The following ADCK1 variants were observed in gnomAD, a reference collection of about 807,000 sequenced individuals.
The protein encoded by ADCK1 is aarF domain-containing protein kinase 1.
Under a neutral mutation model 52.3 loss-of-function variants are expected in ADCK1, and 41 were observed. The observed-to-expected ratio is 0.78, with a 90% CI of 0.61 to 1.02. The LOEUF (loss-of-function observed/expected upper bound fraction) is 1.02. Among genes scored for constraint, ADCK1 ranks in the 50% least tolerant of loss-of-function variants. The pLI is 0.00. For missense variants in ADCK1, 658 were observed against 679.5 expected (o/e 0.97, Z 0.35); for synonymous variants, 250 against 274.6 (o/e 0.91, Z 0.89).
chr14:77,863,060 T>C (rs1440836747), intron 4 of ADCK1, among the ~76,000 whole-genome samples: 1 of 152,196 alleles, frequency 6.6e-6, no homozygotes. Context: ...AACAGTGAGG[T>C]CTTGTTGATT....
intron 4 of ADCK1, among the ~76,000 whole-genome samples, chr14:77,874,923 G>C (rs1476258480): frequency 6.6e-6 from 1 of 152,156 alleles, no homozygotes; most frequent in African/African-American, 2.4e-5. Context: ...CAGGTGGATG[G>C]GACAATGAGA....
chr14:77,863,080 C>T (rs895017692), intron 4 of ADCK1, among the ~76,000 whole-genome samples: 3 of 152,282 alleles, frequency 2.0e-5, no homozygotes, highest in South Asian at 4.1e-4. Flanking sequence ...TACAATGTGG[C>T]GTTCAGCCGG....
chr14:77,897,330 C>T (rs2083432516), intron 5 of ADCK1, among the ~76,000 whole-genome samples: 1 of 152,184 alleles, frequency 6.6e-6, no homozygotes, highest in South Asian at 2.1e-4. Context: ...TCTGGAACAC[C>T]TCCTATGTCC....
At position 77,894,612 on chromosome 14, in the gene ADCK1, A is replaced by T. The variant is rs146915156; in HGVS notation, c.583-4488A>T. 2.0e-5 allele frequency among the ~76,000 whole-genome samples: 3 copies of T among 152,160 alleles called. No individual in the cohort carries two copies. The East Asian group carries it at 5.8e-4, about 29-fold the overall frequency. On this transcript the variant is annotated intron_variant, in intron 5 of 10. Transcript: ENST00000238561. ...CAAGAAAAGGATTAAATGAAAGTGT[A>T]TGTGTAAAGTGTTCGTAGCACAGTG...
In ADCK1 at chr14:77,822,416, C is replaced by T. The variant is rs1270802200; in HGVS notation, c.136-19C>T. The T allele has an allele frequency of 3.1e-6, 5 of 1,603,464 alleles. No individual in the cohort carries two copies. The highest frequency in any genetic ancestry group is 4.3e-6 in the Non-Finnish European group (5 of 1,170,346). On this transcript the variant is annotated intron_variant, in intron 2 of 10. Coordinates refer to ENST00000238561, the MANE Select transcript of ADCK1 (RefSeq NM_020421.4). ...TAATGTCCAGGTGCTAAGCTTTTCTCCACTGCCTTGGTTCACAGACGGCTG... is the reference window on the plus strand; with the variant it reads ...TAATGTCCAGGTGCTAAGCTTTTCTTCACTGCCTTGGTTCACAGACGGCTG...
chr14:77,907,559 G>T (rs2083694057), intron 6 of ADCK1, among the ~76,000 whole-genome samples: 1 of 152,250 alleles, frequency 6.6e-6, no homozygotes, highest in Non-Finnish European at 1.5e-5. Context: ...AAGGCACTGA[G>T]GAGAGTTGGC....
At chr14:77,899,545 T>C (rs1056433638) in intron 6 of ADCK1, among the ~76,000 whole-genome samples, 3 of 152,156 alleles carry the variant, frequency 2.0e-5, no homozygotes, top group Non-Finnish European at 4.4e-5. Context: ...CTATATGCCG[T>C]GGTCTCTGCC....
intron 3 of ADCK1, among the ~76,000 whole-genome samples, chr14:77,839,739 G>T (rs2082027345): frequency 6.6e-6 from 1 of 151,868 alleles, no homozygotes; most frequent in Non-Finnish European, 1.5e-5. Flanking sequence ...TTTGAGACCA[G>T]CTTGGGCAAC....
At chr14:77,897,725 A>G (rs2083442060) in intron 5 of ADCK1, among the ~76,000 whole-genome samples, 1 of 152,208 alleles carries the variant, frequency 6.6e-6, no homozygotes, top group Non-Finnish European at 1.5e-5. Context: ...TACAGAAAGT[A>G]TAGAAAATAG....
chr14:77,892,680 T>C (rs1190494859), intron 5 of ADCK1, among the ~76,000 whole-genome samples: 2 of 151,960 alleles, frequency 1.3e-5, no homozygotes, highest in Non-Finnish European at 2.9e-5. Flanking sequence ...TTCCCTTCAT[T>C]TGTTATTGTC....
At position 77,931,716 on chromosome 14, in the gene ADCK1, G is replaced by A. The variant is rs1161201844; in HGVS notation, c.1400+5G>A. On this transcript the variant is annotated splice_donor_5th_base_variant and intron_variant, in intron 10 of 10. Coordinates refer to ENST00000238561, the MANE Select transcript of ADCK1 (RefSeq NM_020421.4). ...CTGCATCAGAGCGCTAGCTGAGTGA[G>A]TGTGGGCTCCTCCCTCTCCTCCCCT... 2 of 1,599,202 alleles carry A rather than the reference G, an allele frequency of 1.3e-6. No individual in the cohort carries two copies. The highest frequency in any genetic ancestry group is 1.7e-6 in the Non-Finnish European group (2 of 1,177,908).
At chr14:77,927,388 C>T (rs2084222692) in intron 9 of ADCK1, among the ~76,000 whole-genome samples, 1 of 152,198 alleles carries the variant, frequency 6.6e-6, no homozygotes. Flanking sequence ...ATAATTTCCA[C>T]TTTATTGACA....
intron 3 of ADCK1, among the ~76,000 whole-genome samples, chr14:77,850,712 G>A (rs550295621): frequency 1.4e-5 from 2 of 143,678 alleles, no homozygotes; most frequent in South Asian, 2.2e-4. Flanking sequence ...GTGCAGTGGC[G>A]CAATATCTGC....
chr14:77,802,036 T>G (rs977849394), intron 1 of ADCK1, among the ~76,000 whole-genome samples: 6 of 151,906 alleles, frequency 3.9e-5, no homozygotes, highest in African/African-American at 1.5e-4. Flanking sequence ...TTGCAGGGAC[T>G]CCAGTGGCCT....
chr14:77,801,219 G>C (rs7149496), intron 1 of ADCK1, among the ~76,000 whole-genome samples: 4,819 of 152,266 alleles, frequency 0.032, 112 homozygotes, highest in African/African-American at 0.059. Flanking sequence ...CTGGTATGAG[G>C]ACCAAGAATT....
intron 1 of ADCK1, among the ~76,000 whole-genome samples, chr14:77,808,016 G>A (rs1032489115): frequency 3.9e-5 from 6 of 152,148 alleles, no homozygotes; most frequent in Non-Finnish European, 8.8e-5. Flanking sequence ...GTGAAACACA[G>A]ACACAGGCAG....
At chr14:77,925,243 C>T (rs1394593521) in intron 8 of ADCK1, among the ~76,000 whole-genome samples, 1 of 152,240 alleles carries the variant, frequency 6.6e-6, no homozygotes, top group Non-Finnish European at 1.5e-5. Context: ...TCACATGTGG[C>T]CCCAAAATGA....
At chr14:77,842,500 C>T (rs1335871806) in intron 3 of ADCK1, among the ~76,000 whole-genome samples, 2 of 128,828 alleles carry the variant, frequency 1.6e-5, no homozygotes, top group Admixed American at 8.8e-5. Context: ...TCCTTCCTTC[C>T]TTCCTTCCTT....
rs570665120 is a variant in ADCK1, at chr14:77,839,367, A to G, written c.219+16849A>G. On this transcript the variant is annotated intron_variant, in intron 3 of 10. Coordinates refer to ENST00000238561, the MANE Select transcript of ADCK1 (RefSeq NM_020421.4). ...CCATGGCCCTGCTGCCCCAACCTTC[A>G]AAGGATGGGCAGGTTCCGGGAAATG... 2.0e-5 allele frequency among the ~76,000 whole-genome samples: 3 copies of G among 152,216 alleles called. No homozygotes were observed. In the South Asian group the frequency reaches 6.2e-4, roughly 32 times the overall value.
Sources: gnomAD v4.1 joint callset for allele counts (sites outside exome capture counted in the v4.1 genomes callset) on GRCh38, gnomAD v4.1.1 for gene constraint, MANE v1.5 for transcripts, NCBI Gene and HGNC (gene_info 2026-07-23, HGNC 2026-07-21) for gene names.